TPP2: variants seen among roughly 807,000 people sequenced by gnomAD.
The protein encoded by TPP2 is tripeptidyl-peptidase 2.
In TPP2, 34 loss-of-function variants were observed where a neutral mutation model predicts 155.9. The observed-to-expected ratio is 0.22, with a 90% CI of 0.17 to 0.29. The LOEUF (loss-of-function observed/expected upper bound fraction) is 0.29. Ranked by LOEUF, TPP2 falls within the 10% of genes least tolerant of loss-of-function variation. The pLI, the probability that TPP2 is intolerant of heterozygous loss-of-function variation, is 1.00. For synonymous variants in TPP2, 510 were observed against 529.4 expected (o/e 0.96, Z 0.50); for missense variants, 1,028 against 1,522.3 (o/e 0.68, Z 5.40).
intron 20 of TPP2, 70 bp from the exon 21 acceptor site, chr13:102,647,131 TCAATAA>T (rs1245650790): frequency 2.8e-6 from 4 of 1,448,426 alleles, no homozygotes; most frequent in Non-Finnish European, 2.7e-6. Context: ...AAGTCTCATG[TCAATAA>T]CAATATTAAA....
intron 27 of TPP2, among the ~76,000 whole-genome samples, chr13:102,667,180 C>A (rs1429436686): frequency 6.8e-6 from 1 of 146,682 alleles, no homozygotes; most frequent in African/African-American, 2.5e-5. Context: ...TCAGTAACAT[C>A]AAAAATTGTA....
At chr13:102,624,031 A>T (rs1449020579) in intron 6 of TPP2, among the ~76,000 whole-genome samples, 2 of 152,192 alleles carry the variant, frequency 1.3e-5, no homozygotes, top group Non-Finnish European at 2.9e-5. Flanking sequence ...GAACCTGTGG[A>T]TACAGAGGGC....
chr13:102,633,320 T>A (rs1056463558), intron 10 of TPP2, among the ~76,000 whole-genome samples: 1 of 152,220 alleles, frequency 6.6e-6, no homozygotes, highest in African/African-American at 2.4e-5. Flanking sequence ...GAGGTTAGTC[T>A]GCGTTAAGAT....
chr13:102,630,831 T>G (rs1881966090), intron 10 of TPP2, among the ~76,000 whole-genome samples: 1 of 152,212 alleles, frequency 6.6e-6, no homozygotes, highest in African/African-American at 2.4e-5. Context: ...TAAAGCCTAT[T>G]TTAATTCATC....
In TPP2 at chr13:102,674,269, A is replaced by T; in HGVS notation, c.3372-14A>T. 1 of 1,594,722 alleles carries T rather than the reference A, an allele frequency of 6.3e-7. No homozygotes were observed. The highest frequency in any genetic ancestry group is 1.8e-5 in the Admixed American group (1 of 55,754). On this transcript the variant is annotated splice_polypyrimidine_tract_variant and intron_variant, in intron 27 of 29. Coordinates refer to ENST00000376052, the MANE Select transcript of TPP2 (RefSeq NM_001330588.2). ...TTTACTGATATCTGAAATATTTTTTAATTTGCTGTACAGTGACATGGACAA... is the reference window on the plus strand; with the variant it reads ...TTTACTGATATCTGAAATATTTTTTTATTTGCTGTACAGTGACATGGACAA...
At chr13:102,635,724 A>G (rs759922923) in intron 12 of TPP2, 22 bp downstream of exon 12, 1 of 1,557,524 alleles carries the variant, frequency 6.4e-7, no homozygotes, top group Non-Finnish European at 8.8e-7. Context: ...TATATGAAAA[A>G]TGGGTTGTAA....
chr13:102,598,090 T>C (rs1879121911), intron 1 of TPP2, among the ~76,000 whole-genome samples: 1 of 152,242 alleles, frequency 6.6e-6, no homozygotes, highest in Non-Finnish European at 1.5e-5. Flanking sequence ...GAAGGTAGTT[T>C]TTTTGAAAGT....
chr13:102,663,836 C>A, intron 26 of TPP2, 92 bp downstream of exon 26: 1 of 957,744 alleles, frequency 1.0e-6, no homozygotes, highest in Non-Finnish European at 1.5e-6. Flanking sequence ...CTCTTCTGTT[C>A]TTGCTAACTA....
At position 102,635,678 on chromosome 13, in the gene TPP2, T is replaced by C. The variant is rs768170470; in HGVS notation, c.1485T>C (p.Phe495=). 4.3e-6 allele frequency: 7 copies of C among 1,613,124 alleles called. No homozygotes were observed. Among genetic ancestry groups the C allele is most frequent in the Non-Finnish European group, 5.9e-6 (7 of 1,179,642 alleles). ...TGAAGGCTGACAATATAGAAGTATTTGCTCAAGGACATGGTATTATTCAGG... is the reference window on the plus strand; with the variant it reads ...TGAAGGCTGACAATATAGAAGTATTCGCTCAAGGACATGGTATTATTCAGG... The part of the protein sequence containing the change: ...TAVKADNIEV[F]AQGHGIIQVD... The change falls in exon 12 of 30, where the codon TTT becomes TTC. Residue 495 remains phenylalanine (F), a synonymous_variant. Transcript: ENST00000376052.
At chr13:102,623,085 G>A in intron 6 of TPP2, 45 bp downstream of exon 6, 2 of 1,568,290 alleles carry the variant, frequency 1.3e-6, no homozygotes, top group Non-Finnish European at 1.7e-6. Context: ...TTTATGAGGT[G>A]ATAAAGTGGT....
At position 102,633,930 on chromosome 13, in the gene TPP2, T is replaced by A. The variant is rs2274461; in HGVS notation, c.1245-20T>A. On this transcript the variant is annotated intron_variant, in intron 10 of 29. Transcript: ENST00000376052. The stretch of plus-strand genomic sequence containing the variant: ...TTAGCTTTCACCATCCTAAGCAAAC[T>A]TCAATGGCTTTCCATTTAGTGCTGA... 0.11 allele frequency: 179,780 copies of A among 1,613,504 alleles called. 11,666 individuals are homozygous for A. The highest frequency in any genetic ancestry group is 0.26 in the African/African-American group (19,367 of 74,950).
chr13:102,628,502 C>T (rs189772678), intron 8 of TPP2, among the ~76,000 whole-genome samples: 61 of 152,284 alleles, frequency 4.0e-4, no homozygotes, highest in Non-Finnish European at 7.2e-4. Flanking sequence ...GGTCAGTTTT[C>T]ACATCTCCTC....
chr13:102,607,848 C>A (rs1168775645), intron 2 of TPP2: 1 of 252,556 alleles, frequency 4.0e-6, no homozygotes, highest in South Asian at 3.3e-5. Context: ...ACCTCGACCT[C>A]CCAAAGTGCT....
chr13:102,663,233 T>C (rs665762), intron 25 of TPP2, among the ~76,000 whole-genome samples: 75,395 of 151,940 alleles, frequency 0.5, 19,091 homozygotes, highest in African/African-American at 0.6. Flanking sequence ...CTGCAACCTC[T>C]GCCTCCCAGG....
intron 6 of TPP2, among the ~76,000 whole-genome samples, chr13:102,623,749 C>T (rs1449304503): frequency 6.6e-6 from 1 of 152,126 alleles, no homozygotes; most frequent in African/African-American, 2.4e-5. Flanking sequence ...TTTTAAACAA[C>T]TGTGTGTTAT....
chr13:102,650,734 A>G (rs1262129011), intron 23 of TPP2, among the ~76,000 whole-genome samples: 2 of 152,232 alleles, frequency 1.3e-5, no homozygotes, highest in Non-Finnish European at 2.9e-5. Flanking sequence ...TTAGCAATTC[A>G]GAAATAGTTA....
chr13:102,670,837 A>T (rs1884927499), intron 27 of TPP2, among the ~76,000 whole-genome samples: 1 of 152,216 alleles, frequency 6.6e-6, no homozygotes, highest in Non-Finnish European at 1.5e-5. Flanking sequence ...GTTAGAATGT[A>T]TCCACGATAT....
chr13:102,599,054 G>A (rs567467278), intron 1 of TPP2, among the ~76,000 whole-genome samples: 2 of 152,142 alleles, frequency 1.3e-5, no homozygotes, highest in Non-Finnish European at 2.9e-5. Flanking sequence ...TGTCACCCAG[G>A]TAGTGAGCGT....
At chr13:102,620,210 T>C (rs1056119595) in intron 5 of TPP2, among the ~76,000 whole-genome samples, 1 of 152,204 alleles carries the variant, frequency 6.6e-6, no homozygotes, top group Non-Finnish European at 1.5e-5. Context: ...GTCTTCAAGG[T>C]GCTTGATAAA....
Sources: gnomAD v4.1 joint callset for allele counts (sites outside exome capture counted in the v4.1 genomes callset) on GRCh38, gnomAD v4.1.1 for gene constraint, MANE v1.5 for transcripts, NCBI Gene and HGNC (gene_info 2026-07-23, HGNC 2026-07-21) for gene names.